Variants in ITGBL1 observed in about 807,000 individuals in gnomAD.
The protein encoded by ITGBL1 is integrin beta-like protein 1.
Under a neutral mutation model 68.5 loss-of-function variants are expected in ITGBL1, and 51 were observed. That is an observed-to-expected ratio of 0.74 (90% CI 0.59 to 0.94). The LOEUF is 0.94. ITGBL1 is among the 40% of genes least tolerant of loss of function. ITGBL1 has a pLI of 0.00. For missense variants in ITGBL1, 649 were observed against 647.4 expected (o/e 1.00, Z -0.03); for synonymous variants, 209 against 227.3 (o/e 0.92, Z 0.72).
At chr13:101,717,815 C>CTTGATTCT (rs1444597127), downstream of ITGBL1, 1 of 152,114 alleles carries the variant, frequency 6.6e-6, no homozygotes, top group Non-Finnish European at 1.5e-5. Flanking sequence ...TGGAACTGCC[C>CTTGATTCT]TTGATTCTCT....
At chr13:101,662,829 T>TA (rs946032993) in intron 7 of ITGBL1, among the ~76,000 whole-genome samples, 1 of 49,434 alleles carries the variant, frequency 2.0e-5, no homozygotes, top group Non-Finnish European at 3.8e-5. Flanking sequence ...ATAGTCAATA[T>TA]TTTTTTTTCA....
intron 2 of ITGBL1, among the ~76,000 whole-genome samples, chr13:101,497,829 T>C (rs928569955): frequency 6.6e-6 from 1 of 152,046 alleles, no homozygotes; most frequent in Non-Finnish European, 1.5e-5. Flanking sequence ...AAATATTTTG[T>C]CTCTTCTCAG....
At chr13:101,554,550 GT>G (rs2049974689) in intron 2 of ITGBL1, among the ~76,000 whole-genome samples, 1 of 152,180 alleles carries the variant, frequency 6.6e-6, no homozygotes, top group African/African-American at 2.4e-5. Flanking sequence ...AGCAATTATG[GT>G]TGTTCTCATG....
intron 7 of ITGBL1, among the ~76,000 whole-genome samples, chr13:101,638,140 TCTC>T (rs899754813): frequency 1.6e-4 from 24 of 152,206 alleles, no homozygotes; most frequent in African/African-American, 5.1e-4. Context: ...AAAGGGTACT[TCTC>T]ATGCTTTGGA....
intron 2 of ITGBL1, among the ~76,000 whole-genome samples, chr13:101,543,981 C>T (rs2139193775): frequency 6.6e-6 from 1 of 152,234 alleles, no homozygotes; most frequent in East Asian, 1.9e-4. Context: ...TTTTTAACTT[C>T]TTTGCCATGG....
chr13:101,539,049 T>G lies in ITGBL1; in HGVS notation c.317-28650T>G, dbSNP rs113076167. On this transcript the variant is annotated intron_variant, in intron 2 of 10. Coordinates refer to ENST00000376180, the MANE Select transcript of ITGBL1 (RefSeq NM_004791.3). ...ACTTTGAGATTTATGCTGTGCTGCTTCTTTTTTTTTTTTTTTTTTTTTTTT... is the reference window on the plus strand; with the variant it reads ...ACTTTGAGATTTATGCTGTGCTGCTGCTTTTTTTTTTTTTTTTTTTTTTTT... Among the ~76,000 whole-genome samples, 191 of 132,384 alleles carry G rather than the reference T, an allele frequency of 1.4e-3. 2 individuals are homozygous for G. Among genetic ancestry groups the G allele is most frequent in the African/African-American group, 4.6e-3 (170 of 36,956 alleles). 86.8% of individuals were successfully genotyped at this position (132,384 alleles called of 152,430 possible). A position where few individuals can be genotyped will look rare whatever the true frequency, so the allele number is the denominator to read the frequency against.
At chr13:101,565,570 G>A (rs2050170722) in intron 2 of ITGBL1, among the ~76,000 whole-genome samples, 1 of 152,144 alleles carries the variant, frequency 6.6e-6, no homozygotes, top group African/African-American at 2.4e-5. Context: ...GTCTGACACA[G>A]TGTTAGTCTA....
chr13:101,607,689 T>C (rs1310376555), intron 7 of ITGBL1, among the ~76,000 whole-genome samples: 1 of 152,038 alleles, frequency 6.6e-6, no homozygotes, highest in Non-Finnish European at 1.5e-5. Flanking sequence ...ACAGGTGTGC[T>C]CTCCTGCCGG....
chr13:101,654,013 G>A lies in ITGBL1; in HGVS notation c.1016-38572G>A, dbSNP rs140807168. On this transcript the variant is annotated intron_variant, in intron 7 of 10. Coordinates refer to ENST00000376180, the MANE Select transcript of ITGBL1 (RefSeq NM_004791.3). Reference sequence around the variant, plus strand: ...GCATGAGCCACTGTGCCTGGCCTGAGAAGGCTTCTTAGATGACTTATGTGT... The same window carrying A: ...GCATGAGCCACTGTGCCTGGCCTGAAAAGGCTTCTTAGATGACTTATGTGT... Among the ~76,000 whole-genome samples, 1,012 of 151,864 alleles carry A rather than the reference G, an allele frequency of 6.7e-3. 5 individuals are homozygous for A. The highest frequency in any genetic ancestry group is 0.011 in the Admixed American group (164 of 15,236).
chr13:101,641,838 T>C (rs900207042), intron 7 of ITGBL1, among the ~76,000 whole-genome samples: 8 of 150,962 alleles, frequency 5.3e-5, no homozygotes, highest in Middle Eastern at 3.2e-3. Context: ...TTGCGATAGT[T>C]TACTGAGAAT....
chr13:101,466,800 T>C (rs2048387866), intron 2 of ITGBL1, among the ~76,000 whole-genome samples: 1 of 152,158 alleles, frequency 6.6e-6, no homozygotes, highest in South Asian at 2.1e-4. Context: ...CTTTGTATGG[T>C]TTTGAATTAC....
chr13:101,520,404 A>G (rs1406311939), intron 2 of ITGBL1, among the ~76,000 whole-genome samples: 1 of 152,116 alleles, frequency 6.6e-6, no homozygotes, highest in African/African-American at 2.4e-5. Flanking sequence ...AGAGAGTTTC[A>G]GGCCCAGTTT....
At chr13:101,496,695 G>A (rs1282941590) in intron 2 of ITGBL1, among the ~76,000 whole-genome samples, 1 of 151,998 alleles carries the variant, frequency 6.6e-6, no homozygotes, top group Non-Finnish European at 1.5e-5. Flanking sequence ...TGTCATTATA[G>A]CGGTAATCAC....
intron 9 of ITGBL1, among the ~76,000 whole-genome samples, chr13:101,707,589 T>C (rs1273474367): frequency 1.3e-5 from 2 of 151,986 alleles, no homozygotes; most frequent in Non-Finnish European, 2.9e-5. Flanking sequence ...CCTGTAATTC[T>C]AGCACTTTGG....
chr13:101,458,830 G>A (rs2048280345), intron 2 of ITGBL1, among the ~76,000 whole-genome samples: 1 of 152,154 alleles, frequency 6.6e-6, no homozygotes, highest in South Asian at 2.1e-4. Context: ...ATCTGCCAAT[G>A]AGGAGCCCAC....
At chr13:101,682,906 C>G (rs566224579) in intron 7 of ITGBL1, among the ~76,000 whole-genome samples, 1 of 151,922 alleles carries the variant, frequency 6.6e-6, no homozygotes, top group Non-Finnish European at 1.5e-5. Context: ...AAAACTCTCA[C>G]CTATATTCTT....
intron 7 of ITGBL1, among the ~76,000 whole-genome samples, chr13:101,604,893 C>T (rs1418928205): frequency 3.9e-5 from 3 of 77,222 alleles, no homozygotes; most frequent in African/African-American, 9.2e-5. Context: ...TATATACACA[C>T]ACACACACAT....
chr13:101,720,170 C>CCAA (rs1202415892), downstream of ITGBL1: 4 of 152,154 alleles, frequency 2.6e-5, no homozygotes, highest in East Asian at 5.8e-4. Context: ...GCAATACATA[C>CCAA]CAACAGTTCT....
chr13:101,649,088 C>T (rs2032662154), intron 7 of ITGBL1, among the ~76,000 whole-genome samples: 1 of 152,134 alleles, frequency 6.6e-6, no homozygotes, highest in Admixed American at 6.5e-5. Context: ...GAGGAGTATG[C>T]ATATGAATCA....
Sources: allele counts gnomAD v4.1 joint callset (sites outside exome capture counted in the v4.1 genomes callset), GRCh38; gene constraint gnomAD v4.1.1; transcripts MANE v1.5; gene names NCBI Gene and HGNC (gene_info 2026-07-23, HGNC 2026-07-21).